Variants in DDAH1 observed in about 807,000 individuals in gnomAD.
DDAH1 encodes N(G),N(G)-dimethylarginine dimethylaminohydrolase 1.
DDAH1 carries 19 observed loss-of-function variants against 28.8 expected under a neutral mutation model. The observed-to-expected ratio is 0.66, with a 90% CI of 0.46 to 0.97. The LOEUF is 0.97. Among genes scored for constraint, DDAH1 ranks in the 50% least tolerant of loss-of-function variants. DDAH1 has a pLI of 0.00. For missense variants in DDAH1, 326 were observed against 375.9 expected (o/e 0.87, Z 1.10); for synonymous variants, 153 against 154.4 (o/e 0.99, Z 0.07).
chr1:85,476,823 A>G (rs1655820620), intron 2 of DDAH1, among the ~76,000 whole-genome samples: 1 of 152,196 alleles, frequency 6.6e-6, no homozygotes, highest in Non-Finnish European at 1.5e-5. Flanking sequence ...TAATATTTTC[A>G]GAAAAATTTC....
intron 2 of DDAH1, among the ~76,000 whole-genome samples, chr1:85,474,077 A>C (rs978474355): frequency 2.6e-5 from 4 of 152,246 alleles, no homozygotes; most frequent in Admixed American, 2.0e-4. Context: ...TAGTTGCTTA[A>C]GCCAGTAATC....
intron 1 of DDAH1, among the ~76,000 whole-genome samples, chr1:85,412,266 G>A (rs543699090): frequency 4.1e-4 from 63 of 152,282 alleles, no homozygotes; most frequent in African/African-American, 1.3e-3. Context: ...AGGCTCTAAC[G>A]CTATTTGTTA....
chr1:85,376,239 G>A (rs925359281), intron 1 of DDAH1, among the ~76,000 whole-genome samples: 4 of 152,102 alleles, frequency 2.6e-5, no homozygotes, highest in Non-Finnish European at 2.9e-5. Flanking sequence ...ACTCCTATTA[G>A]GGTGTTAACT....
intron 2 of DDAH1, among the ~76,000 whole-genome samples, chr1:85,476,317 T>C (rs1655803010): frequency 6.6e-6 from 1 of 152,236 alleles, no homozygotes; most frequent in African/African-American, 2.4e-5. Context: ...ACCTAGTGGC[T>C]TTATAAAACA....
At chr1:85,541,622 T>C (rs999952989) in intron 1 of DDAH1, among the ~76,000 whole-genome samples, 4 of 152,158 alleles carry the variant, frequency 2.6e-5, no homozygotes, top group African/African-American at 9.7e-5. Flanking sequence ...GGTGGTAGAG[T>C]TCACAGAAAT....
chr1:85,575,104 G>A (rs1387339933), intron 1 of DDAH1, among the ~76,000 whole-genome samples: 1 of 152,002 alleles, frequency 6.6e-6, no homozygotes, highest in Non-Finnish European at 1.5e-5. Flanking sequence ...GGTGGCATGA[G>A]CCTGTAGTCC....
At chr1:85,465,618 C>T (rs114209144), upstream of DDAH1, among the ~76,000 whole-genome samples, 319 of 152,316 alleles carry the variant, frequency 2.1e-3, no homozygotes, top group African/African-American at 7.4e-3. Context: ...TTAAATCCCA[C>T]GGGTCCCAGT....
intron 1 of DDAH1, among the ~76,000 whole-genome samples, chr1:85,374,457 C>T (rs1650548339): frequency 6.6e-6 from 1 of 152,088 alleles, no homozygotes; most frequent in Non-Finnish European, 1.5e-5. Flanking sequence ...TTGGTGTTTC[C>T]AAACTGCAAA....
chr1:85,458,374 T>C (rs1020695746), intron 1 of DDAH1, among the ~76,000 whole-genome samples: 1 of 152,044 alleles, frequency 6.6e-6, no homozygotes, highest in African/African-American at 2.4e-5. Flanking sequence ...ATGTACATTA[T>C]TAAATTACTT....
At chr1:85,446,626 AG>A (rs1164756581) in intron 1 of DDAH1, among the ~76,000 whole-genome samples, 1 of 152,136 alleles carries the variant, frequency 6.6e-6, no homozygotes, top group Non-Finnish European at 1.5e-5. Context: ...CTACCTTTTG[AG>A]GCCTAATATC....
chr1:85,416,396 T>C (rs1397457440), intron 1 of DDAH1, among the ~76,000 whole-genome samples: 5 of 152,160 alleles, frequency 3.3e-5, no homozygotes, highest in African/African-American at 1.2e-4. Flanking sequence ...GGTTTCAACA[T>C]GTTGGCCAGG....
At chr1:85,451,873 A>G (rs1654683688) in intron 1 of DDAH1, among the ~76,000 whole-genome samples, 1 of 152,210 alleles carries the variant, frequency 6.6e-6, no homozygotes, top group South Asian at 2.1e-4. Context: ...GGCCATTTTA[A>G]TAAGTGGTAT....
At position 85,512,709 on chromosome 1, in the gene DDAH1, GACAA is replaced by G. The variant is rs747038052; in HGVS notation, c.-122-16432_-122-16429del. ...CAAGCATTCCTATACACCATTAGCA[GACAA>G]ACAGAGAGCCAAATCATGAGTGAAC... On this transcript the variant is annotated intron_variant, in intron 1 of 6. Transcript: ENST00000426972. Among the ~76,000 whole-genome samples the G allele has an allele frequency of 5.9e-4, 90 of 152,252 alleles. 1 individual carries two copies. Among genetic ancestry groups the G allele is most frequent in the South Asian group, 1.0e-3 (5 of 4,818 alleles).
chr1:85,370,764 T>C (rs1176469868), intron 1 of DDAH1, among the ~76,000 whole-genome samples: 1 of 151,970 alleles, frequency 6.6e-6, no homozygotes, highest in Non-Finnish European at 1.5e-5. Context: ...TCTTGAGCAA[T>C]TGAGTGGATA....
At chr1:85,546,114 T>C (rs1341093237) in intron 1 of DDAH1, among the ~76,000 whole-genome samples, 1 of 144,116 alleles carries the variant, frequency 6.9e-6, no homozygotes, top group African/African-American at 2.6e-5. Context: ...CTATTTGCTA[T>C]GATTTGAATG....
chr1:85,413,930 A>C (rs12132677), intron 1 of DDAH1, among the ~76,000 whole-genome samples: 23,998 of 152,256 alleles, frequency 0.16, 2,297 homozygotes, highest in Admixed American at 0.22. Context: ...TTGAATGTTG[A>C]CTAATTCTCT....
intron 1 of DDAH1, among the ~76,000 whole-genome samples, chr1:85,404,757 CAAGTT>C (rs372163759): frequency 3.2e-4 from 49 of 152,148 alleles, no homozygotes; most frequent in African/African-American, 6.8e-4. Context: ...CTCTCTCTCT[CAAGTT>C]GAGTTATATA....
chr1:85,354,788 A>C (rs1188407318), intron 2 of DDAH1, among the ~76,000 whole-genome samples: 5 of 152,120 alleles, frequency 3.3e-5, no homozygotes, highest in African/African-American at 4.8e-5. Context: ...AGTCTGCTAA[A>C]GTAGTACTTG....
chr1:85,516,970 G>T (rs1385122504), intron 1 of DDAH1, among the ~76,000 whole-genome samples: 7 of 152,002 alleles, frequency 4.6e-5, no homozygotes, highest in Non-Finnish European at 7.4e-5. Flanking sequence ...GGCCAAACAA[G>T]CCTGTGTTTG....
Sources: allele counts gnomAD v4.1 joint callset (sites outside exome capture counted in the v4.1 genomes callset), GRCh38; gene constraint gnomAD v4.1.1; transcripts MANE v1.5; gene names NCBI Gene and HGNC (gene_info 2026-07-23, HGNC 2026-07-21).